Variants in PCNP observed in about 807,000 individuals in gnomAD.
PCNP encodes PEST proteolytic signal containing nuclear protein, also known as PEST proteolytic signal-containing nuclear protein.
A neutral mutation model predicts 21.8 loss-of-function variants in PCNP; 6 were observed. That is an observed-to-expected ratio of 0.28 (90% CI 0.15 to 0.54). PCNP has a LOEUF of 0.54. PCNP is among the 20% of genes least tolerant of loss of function. PCNP has a pLI of 0.95. For missense variants in PCNP, 161 were observed against 215.5 expected (o/e 0.75, Z 1.58); for synonymous variants, 67 against 73.2 (o/e 0.92, Z 0.43).
At chr3:101,591,991 G>A (rs1044997898) in intron 4 of PCNP, among the ~76,000 whole-genome samples, 2 of 151,694 alleles carry the variant, frequency 1.3e-5, no homozygotes, top group Non-Finnish European at 2.9e-5. Flanking sequence ...TGGCTGGGAG[G>A]CAACAGTTTT....
intron 3 of PCNP, among the ~76,000 whole-genome samples, chr3:101,589,141 G>A (rs1186387121): frequency 6.6e-6 from 1 of 151,468 alleles, no homozygotes; most frequent in Admixed American, 6.8e-5. Flanking sequence ...CTTACTGTAA[G>A]GAAGAGCTTG....
chr3:101,587,250 CAAA>C (rs34295234), intron 3 of PCNP, among the ~76,000 whole-genome samples: 1 of 123,396 alleles, frequency 8.1e-6, no homozygotes, highest in Non-Finnish European at 1.8e-5. Context: ...AACTCTGTCT[CAAA>C]AAAAAAAAAA....
intron 1 of PCNP, among the ~76,000 whole-genome samples, chr3:101,574,633 A>G (rs958753775): frequency 6.6e-6 from 1 of 152,138 alleles, no homozygotes. Flanking sequence ...ACATCACACA[A>G]AACACACACA....
At chr3:101,587,005 A>G (rs1375149740) in intron 3 of PCNP, among the ~76,000 whole-genome samples, 1 of 152,100 alleles carries the variant, frequency 6.6e-6, no homozygotes, top group Admixed American at 6.6e-5. Context: ...TGTAATCCCA[A>G]CACTTTGGGA....
chr3:101,578,347 T>C (rs1935042126), intron 1 of PCNP, among the ~76,000 whole-genome samples: 1 of 152,374 alleles, frequency 6.6e-6, no homozygotes, highest in African/African-American at 2.4e-5. Context: ...TGCATCATAC[T>C]CTTTCAGAGA....
chr3:101,589,296 A>T (rs1935684467), intron 3 of PCNP, among the ~76,000 whole-genome samples: 1 of 152,198 alleles, frequency 6.6e-6, no homozygotes, highest in Admixed American at 6.5e-5. Flanking sequence ...CACCCTTTTA[A>T]AAAGTAGTAT....
chr3:101,576,687 C>G (rs558518829), intron 1 of PCNP: 3 of 1,612,172 alleles, frequency 1.9e-6, no homozygotes, highest in East Asian at 4.5e-5. Flanking sequence ...TTACATCCTT[C>G]TGTCTGTTCA....
At chr3:101,576,957 A>G in intron 1 of PCNP, 1 of 1,343,106 alleles carries the variant, frequency 7.4e-7, no homozygotes, top group Non-Finnish European at 1.1e-6. Context: ...TGGCGGCAGC[A>G]CAAGCGGCGG....
intron 1 of PCNP, among the ~76,000 whole-genome samples, chr3:101,575,556 G>A (rs1934832805): frequency 6.6e-6 from 1 of 150,726 alleles, no homozygotes; most frequent in South Asian, 2.1e-4. Flanking sequence ...TTTCTCACTA[G>A]GGAATTTTTT....
intron 3 of PCNP, among the ~76,000 whole-genome samples, chr3:101,588,227 C>T (rs903412603): frequency 2.0e-5 from 3 of 152,148 alleles, no homozygotes; most frequent in African/African-American, 4.8e-5. Context: ...GCCGAGATCG[C>T]GCCACTGCAC....
Position 101,590,235 on chromosome 3 carries a change from T to C in PCNP, c.375T>C (p.Pro125=). The change falls in exon 4 of 5, where the codon CCT becomes CCC. Residue 125 remains proline (P), a synonymous_variant. Coordinates refer to ENST00000265260, the MANE Select transcript of PCNP (RefSeq NM_020357.3). ...EDEDSEPEEM[P]PEAKMRMKNI... is the part of the protein sequence containing the mutation. ...TTTAGAGTGAACCAGAGGAAATGCCTCCAGAAGCAAAGATGAGGATGAAGA... is the reference window on the plus strand; with the variant it reads ...TTTAGAGTGAACCAGAGGAAATGCCCCCAGAAGCAAAGATGAGGATGAAGA... 2 of 1,569,658 alleles carry C rather than the reference T, an allele frequency of 1.3e-6. No individual in the cohort carries two copies. The highest frequency in any genetic ancestry group is 1.8e-6 in the Non-Finnish European group (2 of 1,140,420).
chr3:101,576,781 G>A (rs978636887), intron 1 of PCNP: 138 of 1,610,858 alleles, frequency 8.6e-5, no homozygotes, highest in South Asian at 3.0e-4. Flanking sequence ...GAGTTCTCCC[G>A]CCCTCTTGGT....
chr3:101,583,112 C>T (rs35520845), intron 2 of PCNP, among the ~76,000 whole-genome samples: 58,851 of 151,718 alleles, frequency 0.39, 12,474 homozygotes, highest in Middle Eastern at 0.48. Flanking sequence ...ATTGCTTGAG[C>T]TCAGTAGTTT....
rs1935915964 is a variant in PCNP, at chr3:101,593,473, T to C, written c.*720T>C. ...GTATTTTGAATGTGCTTCTCTTGTT[T>C]TTTGTTTATTAGCTAGTTCCTGTAA... On this transcript the variant is annotated 3_prime_UTR_variant, in exon 5 of 5. Coordinates refer to ENST00000265260, the MANE Select transcript of PCNP (RefSeq NM_020357.3). 6.6e-6 allele frequency: 1 copy of C among 152,660 alleles called. No homozygotes were observed. The highest frequency in any genetic ancestry group is 1.5e-5 in the Non-Finnish European group (1 of 68,030). 9.5% of individuals were successfully genotyped at this position (152,660 alleles called of 1,614,324 possible). A position where few individuals can be genotyped will look rare whatever the true frequency, so the allele number is the denominator to read the frequency against.
At chr3:101,587,540 G>C (rs1437562312) in intron 3 of PCNP, among the ~76,000 whole-genome samples, 1 of 151,790 alleles carries the variant, frequency 6.6e-6, no homozygotes, top group African/African-American at 2.4e-5. Context: ...ACTCAGCCTA[G>C]CAGGGCAGAC....
chr3:101,585,289 A>ATTCTCTCTTT, intron 2 of PCNP, 148 bp from the exon 3 acceptor site: 1 of 532,896 alleles, frequency 1.9e-6, no homozygotes, highest in Non-Finnish European at 3.3e-6. Context: ...AAAAGAGAGA[A>ATTCTCTCTTT]TGGATTTGTC....
intron 2 of PCNP, 65 bp from the exon 3 acceptor site, chr3:101,585,372 A>G: frequency 1.1e-6 from 1 of 921,654 alleles, no homozygotes; most frequent in Non-Finnish European, 1.7e-6. Flanking sequence ...AATTATTCAT[A>G]TCATTAAACA....
At position 101,579,869 on chromosome 3, in the gene PCNP, C is replaced by T. The variant is rs765516635; in HGVS notation, c.144C>T (p.Ser48=). The T allele has an allele frequency of 1.2e-5, 19 of 1,613,666 alleles. No individual in the cohort carries two copies. In the East Asian group the frequency reaches 2.9e-4, roughly 25 times the overall value. ...SSNGGESSSR[S]AEKRSAEEEA... is the part of the protein sequence containing the mutation. ...ATGGAGGGGAAAGTTCCAGTCGCAG[C>T]GCTGAGAAGCGATCAGCTGAAGAAG... Residue 48 remains serine, a synonymous_variant, in exon 2 of 5, where the codon AGC becomes AGT. Transcript: ENST00000265260.
At chr3:101,574,142 C>A, upstream of PCNP, 1 of 1,519,844 alleles carries the variant, frequency 6.6e-7, no homozygotes. Context: ...CCGGCTGGCC[C>A]CAAAAACTCG....
Sources: allele counts gnomAD v4.1 joint callset (sites outside exome capture counted in the v4.1 genomes callset), GRCh38; gene constraint gnomAD v4.1.1; transcripts MANE v1.5; gene names NCBI Gene and HGNC (gene_info 2026-07-23, HGNC 2026-07-21).